The following MET variants were observed in gnomAD, a reference collection of about 807,000 sequenced individuals.
MET encodes MET proto-oncogene, receptor tyrosine kinase, also known as hepatocyte growth factor receptor.
In MET, 48 loss-of-function variants were observed where a neutral mutation model predicts 133.1. That is an observed-to-expected ratio of 0.36 (90% CI 0.29 to 0.46). MET has a LOEUF of 0.46. MET is among the 20% of genes least tolerant of loss of function. MET has a pLI of 1.00. For missense variants in MET, 1,442 were observed against 1,695.9 expected (o/e 0.85, Z 2.63); for synonymous variants, 628 against 616.5 (o/e 1.02, Z -0.28).
At chr7:116,687,413 A>G (rs992118366) in intron 1 of MET, among the ~76,000 whole-genome samples, 2 of 152,198 alleles carry the variant, frequency 1.3e-5, no homozygotes, top group African/African-American at 4.8e-5. Flanking sequence ...AGATTTTTGT[A>G]AACAGTTTTG....
Position 116,759,397 on chromosome 7 carries a change from G to A in MET, c.2271G>A (p.Gly757=), listed in dbSNP as rs755816605. The change falls in exon 10 of 21, where the codon GGG becomes GGA. Residue 757 remains glycine (G), a synonymous_variant. Coordinates refer to ENST00000397752, the MANE Select transcript of MET (RefSeq NM_000245.4). ...TTCTATTTTGCTTTGCCAGTGGTGG[G>A]AGCACAATAACAGGTGTTGGGAAAA... The part of the protein sequence containing the change: ...IHPTKSFISG[G]STITGVGKNL... The A allele has an allele frequency of 1.2e-5, 20 of 1,613,466 alleles. No homozygotes were observed. In the South Asian group the frequency reaches 2.1e-4, roughly 17 times the overall value.
chr7:116,742,323 C>A (rs1793490278), intron 5 of MET, among the ~76,000 whole-genome samples: 1 of 152,144 alleles, frequency 6.6e-6, no homozygotes, highest in African/African-American at 2.4e-5. Context: ...AAGACAGTGA[C>A]AAAACAAATT....
In MET at chr7:116,746,329, A is replaced by G. The variant is rs373591857; in HGVS notation, c.1701+5304A>G. On this transcript the variant is annotated intron_variant, in intron 5 of 20. Transcript: ENST00000397752. ...AAATAGGAACACTTTTACACTGTTG[A>G]TGGGACTGTAAACTAGTTCAACCAT... is the stretch of plus-strand genomic sequence containing the variant. Among the ~76,000 whole-genome samples, 17 of 152,292 alleles carry G rather than the reference A, an allele frequency of 1.1e-4. No individual in the cohort carries two copies. The East Asian group carries it at 1.9e-3, about 17-fold the overall frequency.
chr7:116,791,677 T>C (rs1004532112), intron 19 of MET, among the ~76,000 whole-genome samples: 2 of 152,172 alleles, frequency 1.3e-5, no homozygotes, highest in African/African-American at 4.8e-5. Context: ...CATTTTTTTT[T>C]CTTTTGGGAC....
chr7:116,691,774 G>T (rs1014002619), intron 1 of MET, among the ~76,000 whole-genome samples: 2 of 152,130 alleles, frequency 1.3e-5, no homozygotes, highest in African/African-American at 4.8e-5. Context: ...CCCTCTCCCA[G>T]CATCCATATT....
intron 2 of MET, among the ~76,000 whole-genome samples, chr7:116,711,628 T>G (rs1009331746): frequency 2.1e-5 from 3 of 146,166 alleles, no homozygotes; most frequent in African/African-American, 7.5e-5. Context: ...TCCAGACAGG[T>G]TTTTTTTTTT....
At position 116,764,217 on chromosome 7, in the gene MET, G is replaced by A. The variant is rs148997835; in HGVS notation, c.2583+949G>A. 2.1e-3 allele frequency among the ~76,000 whole-genome samples: 321 copies of A among 152,098 alleles called. 1 individual carries two copies. The highest frequency in any genetic ancestry group is 6.4e-3 in the African/African-American group (267 of 41,502). On this transcript the variant is annotated intron_variant, in intron 11 of 20. Coordinates refer to ENST00000397752, the MANE Select transcript of MET (RefSeq NM_000245.4). Reference sequence around the variant, plus strand: ...CAGCCCAACTTATGCATATGTTCACGTTCATACAAGTTTACTAACCTCATT... The same window carrying A: ...CAGCCCAACTTATGCATATGTTCACATTCATACAAGTTTACTAACCTCATT...
chr7:116,771,911 G>A lies in MET; in HGVS notation c.2950G>A (p.Val984Ile), dbSNP rs1258377870. 6 of 1,613,874 alleles carry A rather than the reference G, an allele frequency of 3.7e-6. No individual in the cohort carries two copies. Among genetic ancestry groups the A allele is most frequent in the Non-Finnish European group, 5.1e-6 (6 of 1,179,866 alleles). ...RVHTPHLDRL[V>I]SARSVSPTTE... ...ACACACTCCTCATTTGGATAGGCTT[G>A]TAAGTGCCCGAAGTGTAAGCCCAAC... Residue 984 changes from valine to isoleucine, a missense_variant, in exon 14 of 21, where the codon GTA (valine) becomes ATA (isoleucine). Val to Ile is a conservative substitution (Grantham distance 29, BLOSUM62 3). Coordinates refer to ENST00000397752, the MANE Select transcript of MET (RefSeq NM_000245.4).
intron 3 of MET, among the ~76,000 whole-genome samples, chr7:116,737,485 GTTGAGTGT>G (rs1284565671): frequency 6.6e-6 from 1 of 152,214 alleles, no homozygotes; most frequent in East Asian, 1.9e-4. Context: ...GAGCCTAGCA[GTTGAGTGT>G]TTAAGAGGTC....
In MET at chr7:116,689,634, T is replaced by C. The variant is rs1796703817; in HGVS notation, c.-14-9437T>C. ...TCCAGGCTGGAGTGCAATGGTGTGA[T>C]CACGGTTCACTGCAGCCTCAACCTC... On this transcript the variant is annotated intron_variant, in intron 1 of 20. Coordinates refer to ENST00000397752, the MANE Select transcript of MET (RefSeq NM_000245.4). Among the ~76,000 whole-genome samples, 3 of 143,490 alleles carry C rather than the reference T, an allele frequency of 2.1e-5. No individual in the cohort carries two copies. The South Asian group carries it at 6.8e-4, about 32-fold the overall frequency. The allele number at this position is 143,490 out of a possible 152,430, so 94.1% of individuals were successfully genotyped here. A position where few individuals can be genotyped will look rare whatever the true frequency, so the allele number is the denominator to read the frequency against.
rs558107770 is a variant in MET, at chr7:116,721,081, C to T, written c.1201-10587C>T. 6.6e-4 allele frequency among the ~76,000 whole-genome samples: 101 copies of T among 152,176 alleles called. No individual in the cohort carries two copies. In the South Asian group the frequency reaches 7.9e-3, roughly 12 times the overall value. ...GAATGGTACCAGTTCCTCCTTGCACCTCTGATAGAATTCGGCTGTGAATCC... is the reference window on the plus strand; with the variant it reads ...GAATGGTACCAGTTCCTCCTTGCACTTCTGATAGAATTCGGCTGTGAATCC... On this transcript the variant is annotated intron_variant, in intron 2 of 20. Transcript: ENST00000397752.
At position 116,771,603 on chromosome 7, in the gene MET, T is replaced by C. The variant is rs2116992686; in HGVS notation, c.2836T>C (p.Leu946=). The change falls in exon 13 of 21, where the codon TTA becomes CTA. Residue 946 remains leucine (L), a synonymous_variant. Transcript: ENST00000397752. ...TGTTGTCTCAATATCAACAGCACTG[T>C]TATTACTACTTGGGTTTTTCCTGTG... is the stretch of plus-strand genomic sequence containing the variant. ...AGVVSISTAL[L]LLLGFFLWLK... is the part of the protein sequence containing the mutation. 6.2e-7 allele frequency: 1 copy of C among 1,613,924 alleles called. No homozygotes were observed. The highest frequency in any genetic ancestry group is 8.5e-7 in the Non-Finnish European group (1 of 1,179,826).
chr7:116,794,599 C>T (rs1366382102), intron 19 of MET, among the ~76,000 whole-genome samples: 1 of 152,248 alleles, frequency 6.6e-6, no homozygotes, highest in Admixed American at 6.5e-5. Flanking sequence ...TTGCTGGGTA[C>T]TGCAAGCTAC....
chr7:116,751,234 A>C (rs1338912107), intron 5 of MET, among the ~76,000 whole-genome samples: 2 of 152,230 alleles, frequency 1.3e-5, no homozygotes, highest in Non-Finnish European at 2.9e-5. Context: ...ATGGAATACT[A>C]TGCAGCCATA....
At chr7:116,752,914 C>T (rs187390709) in intron 5 of MET, among the ~76,000 whole-genome samples, 1 of 152,236 alleles carries the variant, frequency 6.6e-6, no homozygotes, top group African/African-American at 2.4e-5. Flanking sequence ...GTGTGACTGC[C>T]TCAGGCTGAA....
intron 2 of MET, among the ~76,000 whole-genome samples, chr7:116,708,279 T>A (rs565026414): frequency 6.6e-6 from 1 of 152,306 alleles, no homozygotes; most frequent in South Asian, 2.1e-4. Flanking sequence ...AGCTAACCTT[T>A]ATATAAAGCT....
intron 5 of MET, among the ~76,000 whole-genome samples, chr7:116,746,532 A>G (rs373136723): frequency 6.6e-6 from 1 of 152,346 alleles, no homozygotes; most frequent in South Asian, 2.1e-4. Flanking sequence ...AACCAACCCA[A>G]ATGTCCAACA....
chr7:116,696,087 T>G (rs1796956992), intron 1 of MET, among the ~76,000 whole-genome samples: 2 of 152,104 alleles, frequency 1.3e-5, no homozygotes, highest in Non-Finnish European at 2.9e-5. Flanking sequence ...CAGCCTGGGT[T>G]CAAACTCCTG....
intron 5 of MET, among the ~76,000 whole-genome samples, chr7:116,746,844 G>A (rs1793709701): frequency 6.6e-6 from 1 of 151,842 alleles, no homozygotes; most frequent in South Asian, 2.1e-4. Context: ...CAAGTTAATG[G>A]GTGCAGCACA....
Sources: gnomAD v4.1 joint callset for allele counts (sites outside exome capture counted in the v4.1 genomes callset) on GRCh38, gnomAD v4.1.1 for gene constraint, MANE v1.5 for transcripts, NCBI Gene and HGNC (gene_info 2026-07-23, HGNC 2026-07-21) for gene names.